NRBP2: variants seen among roughly 807,000 people sequenced by gnomAD.
NRBP2 encodes nuclear receptor binding protein 2.
A neutral mutation model predicts 74.4 loss-of-function variants in NRBP2; 47 were observed. That is an observed-to-expected ratio of 0.63 (90% CI 0.50 to 0.81). The LOEUF is 0.81. Among genes scored for constraint, NRBP2 ranks in the 30% least tolerant of loss-of-function variants. The probability of loss-of-function intolerance (pLI) is 0.00; values close to 1 mark genes in which losing one functional copy is unlikely to be tolerated. For synonymous variants in NRBP2, 312 were observed against 273.8 expected (o/e 1.14, Z -1.38); for missense variants, 613 against 690.1 (o/e 0.89, Z 1.25).
chr8:143,839,715 G>A lies in NRBP2; in HGVS notation c.444+21C>T, dbSNP rs1554653134. ...CCAACCCCGTCCTGTCCCCGTGGCT[G>A]CCCCAGCCCGCTCCCCATACCCGGG... On this transcript the variant is annotated intron_variant, in intron 4 of 17. Coordinates refer to ENST00000442628, the MANE Select transcript of NRBP2 (RefSeq NM_178564.4). The surrounding 1 kb of genome is among the most constrained non-coding windows in gnomAD (Gnocchi z 5.1). 14 of 1,533,856 alleles carry A rather than the reference G, an allele frequency of 9.1e-6. No individual in the cohort carries two copies. Among genetic ancestry groups the A allele is most frequent in the Non-Finnish European group, 1.1e-5 (13 of 1,146,328 alleles).
In NRBP2 at chr8:143,834,631, A is replaced by G. The variant is rs1818281707; in HGVS notation, c.*1031T>C. Reference sequence around the variant, plus strand: ...GGTTGACATTTGAAATGCGTTTAGAAAGGCATGAATGCGCTAATGTATACA... The same window carrying G: ...GGTTGACATTTGAAATGCGTTTAGAGAGGCATGAATGCGCTAATGTATACA... On this transcript the variant is annotated 3_prime_UTR_variant, in exon 18 of 18. Coordinates refer to ENST00000442628, the MANE Select transcript of NRBP2 (RefSeq NM_178564.4). The G allele has an allele frequency of 6.6e-6, 1 of 152,260 alleles. No homozygotes were observed. Among genetic ancestry groups the G allele is most frequent in the Non-Finnish European group, 1.5e-5 (1 of 68,044 alleles). 9.4% of individuals were successfully genotyped at this position (152,260 alleles called of 1,614,324 possible).
intron 14 of NRBP2, among the ~76,000 whole-genome samples, chr8:143,836,596 CGA>C (rs1200435556): frequency 4.6e-5 from 7 of 150,900 alleles, no homozygotes; most frequent in South Asian, 2.1e-4. Context: ...TGCACTGCAC[CGA>C]GAGAGGCCCC....
In NRBP2 at chr8:143,835,889, G is replaced by GT. The variant is rs1268235157; in HGVS notation, c.1382-15dup. ...GGGCGCTGTCCGCTGAGGCAATGGC[G>GT]TAAGGCGAGGCATGAGGCCGCTGCC... On this transcript the variant is annotated splice_polypyrimidine_tract_variant and intron_variant, in intron 16 of 17. Coordinates refer to ENST00000442628, the MANE Select transcript of NRBP2 (RefSeq NM_178564.4). This position sits in a 1 kb window ranked among gnomAD's most constrained non-coding sequence, Gnocchi z 4.9. 1.9e-6 allele frequency: 3 copies of GT among 1,601,314 alleles called. No homozygotes were observed. The highest frequency in any genetic ancestry group is 1.3e-5 in the African/African-American group (1 of 74,804).
downstream of NRBP2, among the ~76,000 whole-genome samples, chr8:143,832,463 G>A (rs1258600492): frequency 3.3e-5 from 5 of 152,164 alleles, no homozygotes; most frequent in African/African-American, 1.2e-4. Flanking sequence ...TCTTGCAGTT[G>A]AGACAAGAGG....
chr8:143,839,646 A>C lies in NRBP2; in HGVS notation c.444+90T>G, dbSNP rs1183705016. ...CGCATCCTCGCCCAGCCCCTGTCCG[A>C]GGCCGCCGGGCACCCCCTCACCATC... On this transcript the variant is annotated intron_variant, in intron 4 of 17. Coordinates refer to ENST00000442628, the MANE Select transcript of NRBP2 (RefSeq NM_178564.4). This position sits in a 1 kb window ranked among gnomAD's most constrained non-coding sequence, Gnocchi z 5.1. The C allele has an allele frequency of 6.6e-7, 1 of 1,514,146 alleles. No homozygotes were observed. Among genetic ancestry groups the C allele is most frequent in the Non-Finnish European group, 8.8e-7 (1 of 1,135,222 alleles). 93.8% of individuals were successfully genotyped at this position (1,514,146 alleles called of 1,614,324 possible).
rs1208876979 is a variant in NRBP2 at position 143,839,475 on chromosome 8, G to A, written c.485+34C>T. 13 of 1,532,098 alleles carry A rather than the reference G, an allele frequency of 8.5e-6. No individual in the cohort carries two copies. Among genetic ancestry groups the A allele is most frequent in the Admixed American group, 7.8e-5 (4 of 51,000 alleles). 94.9% of individuals were successfully genotyped at this position (1,532,098 alleles called of 1,614,324 possible). A position where few individuals can be genotyped will look rare whatever the true frequency, so the allele number is the denominator to read the frequency against. On this transcript the variant is annotated intron_variant, in intron 5 of 17. Transcript: ENST00000442628. This position sits in a 1 kb window ranked among gnomAD's most constrained non-coding sequence, Gnocchi z 5.1. ...GAGGCTCTGGAGAGATGGGGGCTCG[G>A]TGGCGCCGCGCCCAGGCCAGCCCAG... is the stretch of plus-strand genomic sequence containing the variant.
Position 143,840,519 on chromosome 8 carries a change from C to A in NRBP2, c.129+187G>T. On this transcript the variant is annotated intron_variant, in intron 1 of 17. Transcript: ENST00000442628. This position sits in a 1 kb window ranked among gnomAD's most constrained non-coding sequence, Gnocchi z 5.7. Reference sequence around the variant, plus strand: ...AGGTGGTCCTGGGAGGAGACTGGCCCTCAGGGAGTCCCAGGGCGAGCGCCA... The same window carrying A: ...AGGTGGTCCTGGGAGGAGACTGGCCATCAGGGAGTCCCAGGGCGAGCGCCA... 8 of 675,320 alleles carry A rather than the reference C, an allele frequency of 1.2e-5. No individual in the cohort carries two copies. The highest frequency in any genetic ancestry group is 1.0e-4 in the South Asian group (5 of 49,166). The allele number at this position is 675,320 out of a possible 1,614,324, so 41.8% of individuals were successfully genotyped here.
At chr8:143,831,923 T>G (rs185670484), downstream of NRBP2, among the ~76,000 whole-genome samples, 21 of 152,336 alleles carry the variant, frequency 1.4e-4, no homozygotes, top group Admixed American at 1.4e-3. Flanking sequence ...ATAAATGATT[T>G]TCAACCAAGC....
Position 143,835,404 on chromosome 8 carries a change from G to A in NRBP2, c.*258C>T. On this transcript the variant is annotated 3_prime_UTR_variant, in exon 18 of 18. Transcript: ENST00000442628. This position sits in a 1 kb window ranked among gnomAD's most constrained non-coding sequence, Gnocchi z 4.9. The stretch of plus-strand genomic sequence containing the variant: ...TAGGAACTCAGGGCGGAGAATGGAG[G>A]ATATGGGAAGGGGTTCTGGGGGCAA... 1.7e-6 allele frequency: 1 copy of A among 590,672 alleles called. No homozygotes were observed. The highest frequency in any genetic ancestry group is 2.0e-5 in the South Asian group (1 of 50,678). 36.6% of individuals were successfully genotyped at this position (590,672 alleles called of 1,614,324 possible).
chr8:143,839,725 G>A lies in NRBP2; in HGVS notation c.444+11C>T, dbSNP rs782525632. On this transcript the variant is annotated intron_variant, in intron 4 of 17. Transcript: ENST00000442628. This position sits in a 1 kb window ranked among gnomAD's most constrained non-coding sequence, Gnocchi z 5.1. ...CCTGTCCCCGTGGCTGCCCCAGCCC[G>A]CTCCCCATACCCGGGCGTTCATGGC... The A allele has an allele frequency of 1.2e-5, 18 of 1,535,496 alleles. No homozygotes were observed. The South Asian group carries it at 1.3e-4, about 11-fold the overall frequency.
At chr8:143,831,730 A>G (rs1175987135), downstream of NRBP2, among the ~76,000 whole-genome samples, 14 of 152,296 alleles carry the variant, frequency 9.2e-5, no homozygotes, top group East Asian at 2.7e-3. Context: ...CCTAGAACCA[A>G]ACAGTCATGT....
rs782262841 is a variant in NRBP2 at position 143,840,155 on chromosome 8, C to T, written c.204G>A (p.Val68=). The part of the protein sequence containing the change: ...AMDTEEGVEV[V]WNELHFGDRK... ...TGTCTCCGAAGTGGAGCTCGTTCCA[C>T]ACCACCTCTACCCCCTCCTCCGTGT... Residue 68 remains valine, a synonymous_variant, in exon 2 of 18, where the codon GTG becomes GTA. Transcript: ENST00000442628. The surrounding 1 kb of genome is among the most constrained non-coding windows in gnomAD (Gnocchi z 5.7). The T allele has an allele frequency of 2.9e-5, 44 of 1,536,080 alleles. No homozygotes were observed. Among genetic ancestry groups the T allele is most frequent in the Non-Finnish European group, 3.8e-5 (44 of 1,146,926 alleles).
In NRBP2 at chr8:143,837,118, C is replaced by A. The variant is rs781994955; in HGVS notation, c.1184G>T (p.Arg395Leu). The change falls in exon 14 of 18, where the codon CGT becomes CTT. Residue 395 changes from arginine to leucine, a missense_variant. Around this residue, in one of 2 missense-constraint regions of NRBP2, gnomAD observed 281 missense variants for 260.9 expected, o/e 1.08. Coordinates refer to ENST00000442628, the MANE Select transcript of NRBP2 (RefSeq NM_178564.4). This position sits in a 1 kb window ranked among gnomAD's most constrained non-coding sequence, Gnocchi z 4.3. ...FAATRPLGLP[R>L]VLAPPPEEVQ... ...CTCCTCCGGGGGTGGGGCCAGCACACGGGGCAGCCCCAGGGGTCGAGTGGC... is the reference window on the plus strand; with the variant it reads ...CTCCTCCGGGGGTGGGGCCAGCACAAGGGGCAGCCCCAGGGGTCGAGTGGC... 2 of 1,612,162 alleles carry A rather than the reference C, an allele frequency of 1.2e-6. No homozygotes were observed. Among genetic ancestry groups the A allele is most frequent in the African/African-American group, 2.7e-5 (2 of 74,846 alleles).
rs1456325578 is a variant in NRBP2, at chr8:143,840,639, C to T, written c.129+67G>A. On this transcript the variant is annotated intron_variant, in intron 1 of 17. Transcript: ENST00000442628. This position sits in a 1 kb window ranked among gnomAD's most constrained non-coding sequence, Gnocchi z 5.7. ...GCTCTCCCAGCGCCCCCACGCCCCG[C>T]GCAGCCTCCAGGCCCCTCCCGCTCT... 7.4e-7 allele frequency: 1 copy of T among 1,345,788 alleles called. No individual in the cohort carries two copies. The highest frequency in any genetic ancestry group is 9.7e-7 in the Non-Finnish European group (1 of 1,034,170). The allele number at this position is 1,345,788 out of a possible 1,614,324, so 83.4% of individuals were successfully genotyped here.
At chr8:143,836,430 G>A (rs1428346321) in intron 14 of NRBP2, among the ~76,000 whole-genome samples, 1 of 152,040 alleles carries the variant, frequency 6.6e-6, no homozygotes, top group African/African-American at 2.4e-5. Flanking sequence ...AACTGTGGGC[G>A]TGGGGAAAGG....
rs988013113 is a variant in NRBP2, at chr8:143,839,084, G to C, written c.621C>G (p.Leu207=). ...RIFSNALPDD[L]RSPIRAEREE... is the part of the protein sequence containing the mutation. The stretch of plus-strand genomic sequence containing the variant: ...CTCGCTCAGCGCGGATGGGGCTTCG[G>C]AGATCATCTGGAAGTGCTGTGGGAG... Residue 207 remains leucine, a synonymous_variant, in exon 8 of 18, where the codon CTC becomes CTG. Transcript: ENST00000442628. This position sits in a 1 kb window ranked among gnomAD's most constrained non-coding sequence, Gnocchi z 5.1. The C allele has an allele frequency of 1.2e-5, 18 of 1,527,248 alleles. No individual in the cohort carries two copies. Among genetic ancestry groups the C allele is most frequent in the Middle Eastern group, 3.4e-4 (2 of 5,966 alleles). The allele number at this position is 1,527,248 out of a possible 1,614,324, so 94.6% of individuals were successfully genotyped here.
At chr8:143,836,681 G>C (rs1287578488) in intron 14 of NRBP2, among the ~76,000 whole-genome samples, 5 of 146,760 alleles carry the variant, frequency 3.4e-5, no homozygotes, top group African/African-American at 1.0e-4. Context: ...TCAGCACCAG[G>C]TGGGGGATGG....
chr8:143,835,730 C>T lies in NRBP2; in HGVS notation c.1438G>A (p.Asp480Asn). 6.3e-7 allele frequency: 1 copy of T among 1,599,736 alleles called. No individual in the cohort carries two copies. Among genetic ancestry groups the T allele is most frequent in the Non-Finnish European group, 8.5e-7 (1 of 1,174,500 alleles). Reference sequence around the variant, plus strand: ...AAGGCGGCCAGCTTCATCCGGTCGTCCTGCGGAAGGAGGGAGGCATGGGGG... The same window carrying T: ...AAGGCGGCCAGCTTCATCCGGTCGTTCTGCGGAAGGAGGGAGGCATGGGGG... The part of the protein sequence containing the change: ...ELVHYGFLHE[D>N]DRMKLAAFLE... The change falls in exon 18 of 18, where the codon GAC becomes AAC. Residue 480 changes from aspartate to asparagine, a missense_variant and splice_region_variant. Physicochemically the swap from Asp to Asn is conservative, Grantham distance 23 (BLOSUM62 1). This residue lies in a region of NRBP2 where 281 missense variants were observed against 260.9 expected (regional missense o/e 1.08). Transcript: ENST00000442628. This position sits in a 1 kb window ranked among gnomAD's most constrained non-coding sequence, Gnocchi z 4.9.
rs1554652184 is a variant in NRBP2 at position 143,837,437 on chromosome 8, G to A, written c.1046C>T (p.Pro349Leu). The change falls in exon 12 of 18, where the codon CCC (proline) becomes CTC (leucine). Residue 349 changes from proline to leucine, a missense_variant. Pro to Leu is a moderately conservative substitution (Grantham distance 98, BLOSUM62 -3). Around this residue, in one of 2 missense-constraint regions of NRBP2, gnomAD observed 281 missense variants for 260.9 expected, o/e 1.08. Coordinates refer to ENST00000442628, the MANE Select transcript of NRBP2 (RefSeq NM_178564.4). The surrounding 1 kb of genome is among the most constrained non-coding windows in gnomAD (Gnocchi z 4.3). ...CTGCAGCGGGGGCCTGCGGGGCCGG[G>A]GAAGCTCCGCCAAGACCGCGTGCAG... ...MDLHAVLAEL[P>L]RPRRPPLQWR... The A allele has an allele frequency of 1.2e-6, 2 of 1,607,972 alleles. No individual in the cohort carries two copies. Among genetic ancestry groups the A allele is most frequent in the Non-Finnish European group, 1.7e-6 (2 of 1,178,268 alleles).
Sources: gnomAD v4.1 joint callset for allele counts (sites outside exome capture counted in the v4.1 genomes callset) on GRCh38, gnomAD v4.1.1 for gene constraint, gnomAD v4.1.1 regional missense constraint, Gnocchi (gnomAD v3.1) non-coding constraint, MANE v1.5 for transcripts, NCBI Gene and HGNC (gene_info 2026-07-23, HGNC 2026-07-21) for gene names.